The following SNRPD1 variants were observed in gnomAD, a reference collection of about 807,000 sequenced individuals.
SNRPD1 encodes the protein small nuclear ribonucleoprotein Sm D1.
SNRPD1 carries 1 observed loss-of-function variant against 14.4 expected under a neutral mutation model. The ratio of observed to expected loss-of-function variants is 0.07; its 90% CI spans 0.02 to 0.33. SNRPD1 has a LOEUF of 0.33. SNRPD1 is among the 10% of genes least tolerant of loss of function. The probability of loss-of-function intolerance (pLI) is 1.00; values close to 1 mark genes in which losing one functional copy is unlikely to be tolerated. For missense variants in SNRPD1, 52 were observed against 146.4 expected, an observed-to-expected ratio of 0.36 and a Z score of 3.33; for synonymous variants, 42 against 50.3, an observed-to-expected ratio of 0.83 and a Z score of 0.70.
intron 1 of SNRPD1, among the ~76,000 whole-genome samples, chr18:21,612,774 T>A (rs530288933): frequency 7.9e-5 from 12 of 152,286 alleles, no homozygotes; most frequent in Non-Finnish European, 1.3e-4. Context: ...TCCCCAGTCC[T>A]GCTTAACAGT....
intron 1 of SNRPD1, among the ~76,000 whole-genome samples, chr18:21,612,731 C>T (rs1034175266): frequency 6.6e-6 from 1 of 152,266 alleles, no homozygotes; most frequent in Admixed American, 6.5e-5. Context: ...ACATCTCCCT[C>T]TTACAGTTAC....
chr18:21,629,356 T>C lies in SNRPD1; in HGVS notation c.*218T>C. On this transcript the variant is annotated 3_prime_UTR_variant, in exon 4 of 4. Transcript: ENST00000300413. Reference sequence around the variant, plus strand: ...TTTTTAGTTGATCAGGTTTTAAGTTTTTGAACTAAAATTTTTCTTTTTCTT... The same window carrying C: ...TTTTTAGTTGATCAGGTTTTAAGTTCTTGAACTAAAATTTTTCTTTTTCTT... 1 of 454,792 alleles carries C rather than the reference T, an allele frequency of 2.2e-6. No homozygotes were observed. Among genetic ancestry groups the C allele is most frequent in the South Asian group, 4.0e-5 (1 of 24,960 alleles). The allele number at this position is 454,792 out of a possible 1,614,324, so 28.2% of individuals were successfully genotyped here. A position where few individuals can be genotyped will look rare whatever the true frequency, so the allele number is the denominator to read the frequency against.
At chr18:21,624,790 A>T (rs879287356) in intron 3 of SNRPD1, among the ~76,000 whole-genome samples, 10 of 151,756 alleles carry the variant, frequency 6.6e-5, no homozygotes, top group Non-Finnish European at 1.5e-4. Flanking sequence ...GCTGCTTTCC[A>T]CTTTAAAAAA....
At chr18:21,624,418 A>G (rs1486396256) in intron 3 of SNRPD1, among the ~76,000 whole-genome samples, 1 of 147,280 alleles carries the variant, frequency 6.8e-6, no homozygotes, top group Non-Finnish European at 1.5e-5. Flanking sequence ...GTGGTCGGGC[A>G]GGGTGGCTCA....
At chr18:21,614,939 T>TA (rs1395543002) in intron 1 of SNRPD1, among the ~76,000 whole-genome samples, 1 of 152,244 alleles carries the variant, frequency 6.6e-6, no homozygotes, top group African/African-American at 2.4e-5. Context: ...AGGCCCTTTT[T>TA]ATCCCACTCA....
chr18:21,614,008 C>T (rs747297336), intron 1 of SNRPD1, among the ~76,000 whole-genome samples: 1 of 152,098 alleles, frequency 6.6e-6, no homozygotes, highest in Non-Finnish European at 1.5e-5. Flanking sequence ...CGTGGTGGCT[C>T]ACGCCTGTAA....
chr18:21,622,989 C>G (rs544459824), intron 2 of SNRPD1, among the ~76,000 whole-genome samples, 188 bp downstream of exon 2: 2 of 150,730 alleles, frequency 1.3e-5, no homozygotes, highest in Non-Finnish European at 2.9e-5. Context: ...TGCAGTGGCA[C>G]GATCTCAGCT....
chr18:21,625,158 C>T (rs1481184207), intron 3 of SNRPD1, among the ~76,000 whole-genome samples: 2 of 150,942 alleles, frequency 1.3e-5, no homozygotes, highest in African/African-American at 4.9e-5. Context: ...TTTTTTTTTA[C>T]TACCTACCTA....
At position 21,630,925 on chromosome 18, in the gene SNRPD1, TA is replaced by T. The variant is rs1396216928; in HGVS notation, c.*1788del. The T allele has an allele frequency of 4.6e-5, 7 of 150,806 alleles. No individual in the cohort carries two copies. The highest frequency in any genetic ancestry group is 1.3e-4 in the Admixed American group (2 of 15,078). The allele number at this position is 150,806 out of a possible 1,614,324, so 9.3% of individuals were successfully genotyped here. A position where few individuals can be genotyped will look rare whatever the true frequency, so the allele number is the denominator to read the frequency against. ...TTGGTATAAATAAATACTAGATATA[TA>T]TTTTTTTAAGTATCTTACCTCATCA... On this transcript the variant is annotated 3_prime_UTR_variant, in exon 4 of 4. Coordinates refer to ENST00000300413, the MANE Select transcript of SNRPD1 (RefSeq NM_006938.4).
Position 21,629,398 on chromosome 18 carries a change from TTAAAA to T in SNRPD1, c.*266_*270del. 1 of 372,444 alleles carries T rather than the reference TTAAAA, an allele frequency of 2.7e-6. No individual in the cohort carries two copies. Among genetic ancestry groups the T allele is most frequent in the Non-Finnish European group, 4.9e-6 (1 of 204,408 alleles). The allele number at this position is 372,444 out of a possible 1,614,324, so 23.1% of individuals were successfully genotyped here. On this transcript the variant is annotated 3_prime_UTR_variant, in exon 4 of 4. Coordinates refer to ENST00000300413, the MANE Select transcript of SNRPD1 (RefSeq NM_006938.4). ...CTTTTTCTTTTTATGATGAATAAGG[TTAAAA>T]TAAAAGCCTTAGACAAATTAAATTT... is the stretch of plus-strand genomic sequence containing the variant.
At chr18:21,626,183 G>T (rs969365806) in intron 3 of SNRPD1, among the ~76,000 whole-genome samples, 1 of 151,422 alleles carries the variant, frequency 6.6e-6, no homozygotes, top group Admixed American at 6.6e-5. Context: ...GCCTGAACTC[G>T]GAAGTTCGAG....
chr18:21,615,548 G>GT (rs2038950877), intron 1 of SNRPD1, among the ~76,000 whole-genome samples: 1 of 151,938 alleles, frequency 6.6e-6, no homozygotes, highest in South Asian at 2.1e-4. Context: ...AACCCAGGAG[G>GT]TGGAGATTGC....
chr18:21,629,274 C>T lies in SNRPD1; in HGVS notation c.*136C>T. 1 of 659,616 alleles carries T rather than the reference C, an allele frequency of 1.5e-6. No individual in the cohort carries two copies. Among genetic ancestry groups the T allele is most frequent in the Non-Finnish European group, 2.7e-6 (1 of 370,924 alleles). The allele number at this position is 659,616 out of a possible 1,614,324, so 40.9% of individuals were successfully genotyped here. On this transcript the variant is annotated 3_prime_UTR_variant, in exon 4 of 4. Transcript: ENST00000300413. The stretch of plus-strand genomic sequence containing the variant: ...AGTATATCAAAGTTTTAGTAGTTTC[C>T]TCCACATTCACGAAATTACCACAGT...
intron 1 of SNRPD1, among the ~76,000 whole-genome samples, chr18:21,620,568 C>A (rs1451071416): frequency 1.3e-5 from 2 of 152,152 alleles, no homozygotes; most frequent in Non-Finnish European, 2.9e-5. Context: ...TTGTGCCTTA[C>A]ACTGCATAAA....
intron 1 of SNRPD1, among the ~76,000 whole-genome samples, chr18:21,612,966 G>A (rs899688761): frequency 6.6e-6 from 1 of 152,108 alleles, no homozygotes; most frequent in African/African-American, 2.4e-5. Flanking sequence ...CCCTTCCAAA[G>A]GGCTGAGATT....
chr18:21,625,748 C>T (rs1049671071), intron 3 of SNRPD1, among the ~76,000 whole-genome samples: 1 of 152,090 alleles, frequency 6.6e-6, no homozygotes, highest in Non-Finnish European at 1.5e-5. Context: ...GTAGCTGGGA[C>T]CACAGGCGCC....
intron 3 of SNRPD1, among the ~76,000 whole-genome samples, chr18:21,627,982 C>CTT (rs2039053453): frequency 6.6e-6 from 1 of 152,130 alleles, no homozygotes; most frequent in Admixed American, 6.6e-5. Context: ...GACCTTGATA[C>CTT]TTTGTAAGAG....
intron 3 of SNRPD1, among the ~76,000 whole-genome samples, chr18:21,628,749 A>G (rs544966077): frequency 6.6e-6 from 1 of 152,290 alleles, no homozygotes; most frequent in East Asian, 1.9e-4. Context: ...AAATCATTTT[A>G]TGGTGAATTT....
chr18:21,619,191 TG>T (rs1051432274), intron 1 of SNRPD1, among the ~76,000 whole-genome samples: 4 of 152,186 alleles, frequency 2.6e-5, no homozygotes, highest in Admixed American at 1.3e-4. Context: ...TTTTTTCGTT[TG>T]TTTTTTTGAC....
Sources: allele counts gnomAD v4.1 joint callset (sites outside exome capture counted in the v4.1 genomes callset), GRCh38; gene constraint gnomAD v4.1.1; transcripts MANE v1.5; gene names NCBI Gene and HGNC (gene_info 2026-07-23, HGNC 2026-07-21).